Variants in C7 observed in about 807,000 individuals in gnomAD.
C7 encodes the protein complement component C7.
Under a neutral mutation model 104.8 loss-of-function variants are expected in C7, and 83 were observed. The observed-to-expected ratio is 0.79, with a 90% CI of 0.66 to 0.95. The LOEUF (loss-of-function observed/expected upper bound fraction) is 0.95. Among genes scored for constraint, C7 ranks in the 40% least tolerant of loss-of-function variants. The pLI, the probability that C7 is intolerant of heterozygous loss-of-function variation, is 0.00. For missense variants in C7, 1,070 were observed against 1,011.2 expected, an observed-to-expected ratio of 1.06 and a Z score of -0.79; for synonymous variants, 415 against 360.6, an observed-to-expected ratio of 1.15 and a Z score of -1.71.
At chr5:40,928,690 T>A (rs2459467) in intron 2 of C7, 55 bp downstream of exon 2, 464,156 of 1,111,766 alleles carry the variant, frequency 0.42, 102,259 homozygotes, top group African/African-American at 0.69. Flanking sequence ...AATGTTTTAG[T>A]AATTCTTTAG....
intron 3 of C7, among the ~76,000 whole-genome samples, chr5:40,933,405 A>T (rs947169077): frequency 2.0e-5 from 3 of 152,222 alleles, no homozygotes; most frequent in Admixed American, 6.5e-5. Flanking sequence ...AGAGGCCTGG[A>T]AGATGCTCAC....
intron 1 of C7, among the ~76,000 whole-genome samples, chr5:40,920,883 T>C (rs191044695): frequency 2.1e-4 from 32 of 152,232 alleles, no homozygotes; most frequent in Non-Finnish European, 3.2e-4. Context: ...ACCCCATCTC[T>C]ACTAAAAATA....
chr5:40,928,519 A>G (rs1739606175), intron 1 of C7, 61 bp from the exon 2 acceptor site: 3 of 936,018 alleles, frequency 3.2e-6, no homozygotes, highest in South Asian at 3.2e-5. Context: ...ATAAATTGTC[A>G]ATTTATAGTT....
At chr5:40,919,341 A>G (rs576801532) in intron 1 of C7, among the ~76,000 whole-genome samples, 101 of 151,954 alleles carry the variant, frequency 6.6e-4, no homozygotes, top group African/African-American at 1.9e-3. Context: ...GCCAGGCTGG[A>G]CTCAAACTCC....
chr5:40,975,441 G>A (rs558566484), intron 15 of C7, among the ~76,000 whole-genome samples: 29 of 147,668 alleles, frequency 2.0e-4, no homozygotes, highest in African/African-American at 6.8e-4. Context: ...TTGGTTCACT[G>A]CAACCTCCAC....
intron 17 of C7, among the ~76,000 whole-genome samples, chr5:40,980,657 C>G (rs151309746): frequency 6.6e-6 from 1 of 152,318 alleles, no homozygotes; most frequent in East Asian, 1.9e-4. Flanking sequence ...CTGGGCTTCC[C>G]TATCTGTAAA....
intron 1 of C7, among the ~76,000 whole-genome samples, chr5:40,914,859 C>T (rs761848936): frequency 1.3e-5 from 2 of 152,110 alleles, no homozygotes; most frequent in Non-Finnish European, 2.9e-5. Context: ...AGTAAATAAA[C>T]CCAGCAGTAT....
intron 14 of C7, among the ~76,000 whole-genome samples, chr5:40,969,188 G>A (rs925170321): frequency 1.3e-4 from 20 of 151,976 alleles, no homozygotes; most frequent in Middle Eastern, 3.4e-3. Flanking sequence ...GTTTTTAAGC[G>A]ATGTTTTGAT....
At chr5:40,910,806 C>CAAAAAAAAAAAAAAAA (rs569169059) in intron 1 of C7, among the ~76,000 whole-genome samples, 1 of 128,442 alleles carries the variant, frequency 7.8e-6, no homozygotes, top group Non-Finnish European at 1.7e-5. Context: ...AAAAAAAAAA[C>CAAAAAAAAAAAAAAAA]AAAAAAAAAA....
intron 6 of C7, among the ~76,000 whole-genome samples, chr5:40,939,703 G>A (rs989984674): frequency 6.6e-6 from 1 of 152,138 alleles, no homozygotes; most frequent in Non-Finnish European, 1.5e-5. Flanking sequence ...GTGGAGACTT[G>A]CATGTATATT....
intron 14 of C7, among the ~76,000 whole-genome samples, chr5:40,969,665 T>C (rs1740647977): frequency 6.6e-6 from 1 of 152,162 alleles, no homozygotes; most frequent in Non-Finnish European, 1.5e-5. Context: ...AGGACTGGAC[T>C]CTAGTTTTTA....
intron 14 of C7, among the ~76,000 whole-genome samples, chr5:40,969,667 T>C (rs534724530): frequency 8.5e-5 from 13 of 152,170 alleles, no homozygotes; most frequent in Non-Finnish European, 1.8e-4. Flanking sequence ...GACTGGACTC[T>C]AGTTTTTAAA....
intron 3 of C7, 83 bp downstream of exon 3, chr5:40,931,222 T>A: frequency 1.0e-6 from 1 of 954,422 alleles, no homozygotes; most frequent in Non-Finnish European, 1.7e-6. Flanking sequence ...CTTTTGAATG[T>A]TCATTAAATA....
intron 14 of C7, among the ~76,000 whole-genome samples, chr5:40,965,476 C>T (rs1740522833): frequency 6.6e-6 from 1 of 152,068 alleles, no homozygotes; most frequent in African/African-American, 2.4e-5. Context: ...GGTATTCATA[C>T]ATTGGGTATA....
chr5:40,964,129 G>T (rs562602366), intron 13 of C7, among the ~76,000 whole-genome samples: 1 of 130,760 alleles, frequency 7.6e-6, no homozygotes, highest in Non-Finnish European at 1.6e-5. Context: ...TGCAACCTCC[G>T]TCCCCCAGGT....
intron 1 of C7, among the ~76,000 whole-genome samples, chr5:40,928,272 G>T (rs1327815488): frequency 1.3e-5 from 2 of 152,110 alleles, no homozygotes; most frequent in African/African-American, 4.8e-5. Flanking sequence ...AAAGGTCAAA[G>T]GGTACACAAT....
intron 13 of C7, among the ~76,000 whole-genome samples, chr5:40,962,449 A>G (rs1740441707): frequency 6.6e-6 from 1 of 152,100 alleles, no homozygotes; most frequent in South Asian, 2.1e-4. Flanking sequence ...GCTACTGAAC[A>G]CTGCCACCCT....
At chr5:40,972,325 C>A in intron 14 of C7, 78 bp from the exon 15 acceptor site, 1 of 1,164,068 alleles carries the variant, frequency 8.6e-7, no homozygotes, top group Non-Finnish European at 1.3e-6. Context: ...ACAAGTGTGT[C>A]TGCATCACAT....
intron 15 of C7, among the ~76,000 whole-genome samples, chr5:40,975,199 C>T (rs78629225): frequency 0.022 from 3,387 of 151,976 alleles, 118 homozygotes; most frequent in African/African-American, 0.078. Context: ...TTACATAACA[C>T]AACTTGGTTA....
Sources: allele counts gnomAD v4.1 joint callset (sites outside exome capture counted in the v4.1 genomes callset), GRCh38; gene constraint gnomAD v4.1.1; transcripts MANE v1.5; gene names NCBI Gene and HGNC (gene_info 2026-07-23, HGNC 2026-07-21).